Variants in SLC25A48 observed in about 807,000 individuals in gnomAD.
The protein encoded by SLC25A48 is solute carrier family 25 member 48.
Under a neutral mutation model 32.2 loss-of-function variants are expected in SLC25A48, and 29 were observed. The ratio of observed to expected loss-of-function variants is 0.90; its 90% confidence interval spans 0.67 to 1.23. The LOEUF is 1.23. Among genes scored for constraint, SLC25A48 ranks in the 50% most tolerant of loss-of-function variants. The pLI, the probability that SLC25A48 is intolerant of heterozygous loss-of-function variation, is 0.00. For missense variants in SLC25A48, 399 were observed against 422.7 expected (o/e 0.94, Z 0.49); for synonymous variants, 164 against 172.3 (o/e 0.95, Z 0.38).
chr5:135,712,775 A>C (rs1323808228), intron 3 of SLC25A48, among the ~76,000 whole-genome samples: 1 of 152,204 alleles, frequency 6.6e-6, no homozygotes, highest in Non-Finnish European at 1.5e-5. Flanking sequence ...CTGCCCTTCC[A>C]CAAAGCATTC....
At chr5:135,679,863 A>G (rs981587156) in intron 3 of SLC25A48, among the ~76,000 whole-genome samples, 3 of 152,178 alleles carry the variant, frequency 2.0e-5, no homozygotes, top group Non-Finnish European at 4.4e-5. Flanking sequence ...TTTGGGATCC[A>G]GTGCGAGCTT....
At chr5:135,637,328 T>C (rs977387746) in intron 3 of SLC25A48, among the ~76,000 whole-genome samples, 10 of 152,138 alleles carry the variant, frequency 6.6e-5, no homozygotes, top group African/African-American at 2.4e-4. Flanking sequence ...AATCAACTAA[T>C]TAATTAATTC....
chr5:135,591,114 T>C (rs919229866), intron 1 of SLC25A48, among the ~76,000 whole-genome samples: 6 of 152,094 alleles, frequency 3.9e-5, no homozygotes, highest in Non-Finnish European at 2.9e-5. Context: ...AACTGCAGGG[T>C]GCCTGTGATT....
rs1752502823 is a variant in SLC25A48 at position 135,629,102 on chromosome 5, A to G, written c.-848-135A>G. 4 of 152,232 alleles carry G rather than the reference A, an allele frequency of 2.6e-5. No homozygotes were observed. The South Asian group carries it at 8.3e-4, about 32-fold the overall frequency. The allele number at this position is 152,232 out of a possible 1,614,324, so 9.4% of individuals were successfully genotyped here. On this transcript the variant is annotated intron_variant, in intron 1 of 10. Transcript: ENST00000646290. The surrounding 1 kb of genome is among the most constrained non-coding windows in gnomAD (Gnocchi z 4.8). ...TGACTTTTTAAGGAGGAGAAATTTC[A>G]TTATAGATCCAATTTTGCCTTGGGC...
chr5:135,818,353 C>T (rs758720322), intron 4 of SLC25A48, among the ~76,000 whole-genome samples: 1 of 152,128 alleles, frequency 6.6e-6, no homozygotes, highest in South Asian at 2.1e-4. Flanking sequence ...AAGTCTCAGC[C>T]TAACTCCTGA....
chr5:135,738,073 C>T (rs932830736), intron 3 of SLC25A48, among the ~76,000 whole-genome samples: 3 of 152,158 alleles, frequency 2.0e-5, no homozygotes, highest in South Asian at 2.1e-4. Flanking sequence ...AGACTTTCCT[C>T]GATACTCTCA....
chr5:135,729,451 G>GA, intron 3 of SLC25A48, among the ~76,000 whole-genome samples: 1 of 152,174 alleles, frequency 6.6e-6, no homozygotes, highest in South Asian at 2.1e-4. Context: ...GCATTTGTTA[G>GA]AATCCTCCAT....
At chr5:135,728,939 A>G (rs1755161714) in intron 3 of SLC25A48, among the ~76,000 whole-genome samples, 1 of 152,010 alleles carries the variant, frequency 6.6e-6, no homozygotes, top group Non-Finnish European at 1.5e-5. Flanking sequence ...AGAGCTCCAC[A>G]TTCTCTAAAC....
intron 3 of SLC25A48, among the ~76,000 whole-genome samples, chr5:135,799,431 G>T (rs904503613): frequency 6.6e-6 from 1 of 150,824 alleles, no homozygotes; most frequent in African/African-American, 2.4e-5. Context: ...CCGGTGGGGG[G>T]AGAAGATAAT....
intron 3 of SLC25A48, among the ~76,000 whole-genome samples, chr5:135,658,987 G>A (rs1217285087): frequency 6.6e-6 from 1 of 152,220 alleles, no homozygotes; most frequent in African/African-American, 2.4e-5. Flanking sequence ...AGGGGCTGCT[G>A]CTAAGGTCTC....
At chr5:135,728,278 CT>C (rs1378800558) in intron 3 of SLC25A48, among the ~76,000 whole-genome samples, 8 of 150,486 alleles carry the variant, frequency 5.3e-5, no homozygotes, top group Non-Finnish European at 1.0e-4. Context: ...AAAAATGTGG[CT>C]TTCTATAGTT....
At chr5:135,843,363 G>T (rs1018378601) in intron 2 of SLC25A48, among the ~76,000 whole-genome samples, 113 of 152,302 alleles carry the variant, frequency 7.4e-4, no homozygotes, top group Non-Finnish European at 3.1e-4. Flanking sequence ...AGACCTCAGA[G>T]CCGGGCATTG....
intron 3 of SLC25A48, among the ~76,000 whole-genome samples, chr5:135,802,710 G>T (rs1757365682): frequency 6.6e-6 from 1 of 151,174 alleles, no homozygotes; most frequent in African/African-American, 2.4e-5. Flanking sequence ...CAGAATCTGT[G>T]TACATTCAGT....
At chr5:135,796,390 C>T (rs889968910) in intron 3 of SLC25A48, among the ~76,000 whole-genome samples, 7 of 150,312 alleles carry the variant, frequency 4.7e-5, no homozygotes, top group African/African-American at 1.2e-4. Context: ...CGCCTTTTAT[C>T]GCAGGAGGCA....
intron 3 of SLC25A48, among the ~76,000 whole-genome samples, chr5:135,707,682 C>T (rs1754552565): frequency 6.6e-6 from 1 of 151,792 alleles, no homozygotes; most frequent in Non-Finnish European, 1.5e-5. Context: ...CACCTGTGAC[C>T]CCCTTAGCAG....
At chr5:135,873,485 C>T (rs981706924) in intron 5 of SLC25A48, among the ~76,000 whole-genome samples, 1 of 152,030 alleles carries the variant, frequency 6.6e-6, no homozygotes, top group Non-Finnish European at 1.5e-5. Context: ...TTTGCAACCC[C>T]CAGGCTGGCC....
At chr5:135,653,910 T>G (rs1753178346) in intron 3 of SLC25A48, 1 of 456,078 alleles carries the variant, frequency 2.2e-6, no homozygotes, top group African/African-American at 2.0e-5. Context: ...ATACTCAGGG[T>G]TCTCATAGGG....
At chr5:135,705,120 A>G (rs1754476799) in intron 3 of SLC25A48, among the ~76,000 whole-genome samples, 1 of 152,196 alleles carries the variant, frequency 6.6e-6, no homozygotes, top group African/African-American at 2.4e-5. Context: ...TCCCCTGTTG[A>G]CATAACCCCC....
At chr5:135,733,154 G>T (rs1342013990) in intron 3 of SLC25A48, among the ~76,000 whole-genome samples, 1 of 152,176 alleles carries the variant, frequency 6.6e-6, no homozygotes, top group African/African-American at 2.4e-5. Flanking sequence ...AATGAGTTTG[G>T]CTTGTTGAGA....
Sources: allele counts gnomAD v4.1 joint callset (sites outside exome capture counted in the v4.1 genomes callset), GRCh38; gene constraint gnomAD v4.1.1; non-coding constraint Gnocchi (gnomAD v3.1); transcripts MANE v1.5; gene names NCBI Gene and HGNC (gene_info 2026-07-23, HGNC 2026-07-21).